The following PLIN3 variants were observed in gnomAD, a reference collection of about 807,000 sequenced individuals.
The protein encoded by PLIN3 is perilipin 3, also known as perilipin-3.
A neutral mutation model predicts 35.9 loss-of-function variants in PLIN3; 30 were observed. The ratio of observed to expected loss-of-function variants is 0.84; its 90% CI spans 0.62 to 1.13. The LOEUF (loss-of-function observed/expected upper bound fraction) is 1.13, where lower values mean the gene tolerates loss of function less well. PLIN3 is among the 50% of genes most tolerant of loss of function. PLIN3 has a pLI of 0.00. For missense variants in PLIN3, 603 were observed against 596.9 expected, an observed-to-expected ratio of 1.01 and a Z score of -0.11; for synonymous variants, 261 against 262.5, an observed-to-expected ratio of 0.99 and a Z score of 0.06.
intron 7 of PLIN3, among the ~76,000 whole-genome samples, chr19:4,841,941 G>A (rs1330287886): frequency 1.5e-5 from 2 of 132,208 alleles, no homozygotes; most frequent in African/African-American, 5.6e-5. Context: ...AAAAAAAGCT[G>A]TTAAAAAACA....
At chr19:4,863,212 T>G (rs1037023933) in intron 1 of PLIN3, among the ~76,000 whole-genome samples, 1 of 146,070 alleles carries the variant, frequency 6.8e-6, no homozygotes, top group Non-Finnish European at 1.5e-5. Flanking sequence ...GAATGAGATT[T>G]AAAGGCCGGG....
chr19:4,839,628 T>G, intron 7 of PLIN3, 92 bp from the exon 8 acceptor site: 1 of 998,006 alleles, frequency 1.0e-6, no homozygotes, highest in Admixed American at 3.1e-5. Context: ...AGAGGGGTTC[T>G]ACCACTGACC....
At position 4,841,424 on chromosome 19, in the gene PLIN3, A is replaced by C. The variant is rs372227383; in HGVS notation, c.961-1888T>G. 1.6e-4 allele frequency among the ~76,000 whole-genome samples: 24 copies of C among 152,186 alleles called. No homozygotes were observed. The East Asian group carries it at 4.5e-3, about 28-fold the overall frequency. On this transcript the variant is annotated intron_variant, in intron 7 of 7. Coordinates refer to ENST00000221957, the MANE Select transcript of PLIN3 (RefSeq NM_005817.5). Reference sequence around the variant, plus strand: ...GTCCAGGACAGGCCCATCCAGAGACAGGAGGGGATACGTGGTTGGGAGGAG... The same window carrying C: ...GTCCAGGACAGGCCCATCCAGAGACCGGAGGGGATACGTGGTTGGGAGGAG...
chr19:4,855,111 G>T (rs1021791235), intron 4 of PLIN3, among the ~76,000 whole-genome samples: 1 of 151,742 alleles, frequency 6.6e-6, no homozygotes, highest in Non-Finnish European at 1.5e-5. Flanking sequence ...TTTGCTGGGC[G>T]TAGTGATGGG....
chr19:4,861,440 C>T lies in PLIN3; in HGVS notation c.-17-29G>A, dbSNP rs755642043. 7.9e-6 allele frequency: 12 copies of T among 1,525,926 alleles called. No individual in the cohort carries two copies. In the Middle Eastern group the frequency reaches 5.1e-4, roughly 65 times the overall value. The allele number at this position is 1,525,926 out of a possible 1,614,324, so 94.5% of individuals were successfully genotyped here. On this transcript the variant is annotated intron_variant, in intron 1 of 7. Transcript: ENST00000221957. ...AGGAGAGAGGAACAGTCAGGTACAG[C>T]CTGCCTGGCCCCACCTTCCAGGAGA...
chr19:4,854,720 C>G (rs1288649064), intron 4 of PLIN3, among the ~76,000 whole-genome samples: 1 of 152,134 alleles, frequency 6.6e-6, no homozygotes, highest in African/African-American at 2.4e-5. Flanking sequence ...TCTGACAACA[C>G]CACCGTCCCC....
At chr19:4,848,414 C>A (rs908967672) in intron 5 of PLIN3, among the ~76,000 whole-genome samples, 6 of 152,326 alleles carry the variant, frequency 3.9e-5, no homozygotes, top group African/African-American at 1.4e-4. Flanking sequence ...GAATCAGAGA[C>A]CTTAGACTAG....
chr19:4,858,382 G>C (rs1165345698), intron 4 of PLIN3, among the ~76,000 whole-genome samples: 2 of 149,084 alleles, frequency 1.3e-5, no homozygotes, highest in Non-Finnish European at 3.0e-5. Flanking sequence ...TGTTTTTTTT[G>C]TTTTGTTGTT....
chr19:4,851,977 T>C (rs1210260139), intron 5 of PLIN3, 39 bp downstream of exon 5: 3 of 1,588,590 alleles, frequency 1.9e-6, no homozygotes, highest in Non-Finnish European at 2.6e-6. Flanking sequence ...TCAGGGGGCC[T>C]GGGGAGGGGT....
At chr19:4,860,487 G>A (rs1405364268) in intron 2 of PLIN3, among the ~76,000 whole-genome samples, 3 of 151,926 alleles carry the variant, frequency 2.0e-5, no homozygotes, top group South Asian at 2.1e-4. Context: ...ACAGGCGTGA[G>A]CCACCGCACT....
intron 4 of PLIN3, among the ~76,000 whole-genome samples, chr19:4,857,845 A>G (rs1000065017): frequency 6.6e-6 from 1 of 152,042 alleles, no homozygotes. Flanking sequence ...GTGTGGTGGC[A>G]CATGTCTGTA....
intron 7 of PLIN3, among the ~76,000 whole-genome samples, chr19:4,843,510 AAAATAAAT>A (rs111319930): frequency 5.0e-5 from 7 of 139,442 alleles, no homozygotes; most frequent in African/African-American, 8.1e-5. Flanking sequence ...TCCATCTCAA[AAAATAAAT>A]AAATAAATAA....
intron 4 of PLIN3, among the ~76,000 whole-genome samples, chr19:4,858,705 T>TTTTG (rs1599172472): frequency 5.1e-5 from 7 of 136,810 alleles, no homozygotes; most frequent in Non-Finnish European, 1.1e-4. Context: ...TTTTTGGTTT[T>TTTTG]TTTTTTTTTT....
chr19:4,839,292 T>C lies in PLIN3; in HGVS notation c.1205A>G (p.Asp402Gly). 1 of 1,614,042 alleles carries C rather than the reference T, an allele frequency of 6.2e-7. No homozygotes were observed. The highest frequency in any genetic ancestry group is 8.5e-7 in the Non-Finnish European group (1 of 1,180,010). The part of the protein sequence containing the change: ...ERVASAREAL[D>G]HMVEYVAQNT... Reference sequence around the variant, plus strand: ...CTGGGCCACATATTCCACCATGTGGTCCAGGGCCTCGCGGGCGCTGGCGAC... The same window carrying C: ...CTGGGCCACATATTCCACCATGTGGCCCAGGGCCTCGCGGGCGCTGGCGAC... Residue 402 changes from aspartate (D) to glycine (G), a missense_variant, in exon 8 of 8, where the codon GAC (aspartate) becomes GGC (glycine). Asp to Gly is a moderately conservative substitution (Grantham distance 94, BLOSUM62 -1). Coordinates refer to ENST00000221957, the MANE Select transcript of PLIN3 (RefSeq NM_005817.5).
chr19:4,859,235 A>G (rs1353759827), intron 4 of PLIN3, among the ~76,000 whole-genome samples: 1 of 152,130 alleles, frequency 6.6e-6, no homozygotes, highest in Non-Finnish European at 1.5e-5. Flanking sequence ...TTATAAAAAC[A>G]AGTGGGCTGG....
At chr19:4,855,066 A>G (rs997892652) in intron 4 of PLIN3, among the ~76,000 whole-genome samples, 1 of 151,700 alleles carries the variant, frequency 6.6e-6, no homozygotes, top group Non-Finnish European at 1.5e-5. Flanking sequence ...CCTGGCCAAC[A>G]TGGTGAAACC....
chr19:4,853,841 A>G (rs773653358), intron 4 of PLIN3, among the ~76,000 whole-genome samples: 2 of 151,926 alleles, frequency 1.3e-5, no homozygotes, highest in African/African-American at 4.8e-5. Flanking sequence ...AACAAACAAA[A>G]AAAAGCTTTG....
intron 4 of PLIN3, among the ~76,000 whole-genome samples, chr19:4,853,202 C>T (rs1349436714): frequency 4.0e-5 from 6 of 151,832 alleles, no homozygotes; most frequent in South Asian, 4.2e-4. Flanking sequence ...GGCACAATCT[C>T]GGCTCACTAC....
rs374815133 is a variant in PLIN3, at chr19:4,846,591, C to T, written c.834+1100G>A. 3.2e-3 allele frequency among the ~76,000 whole-genome samples: 486 copies of T among 151,994 alleles called. 7 individuals carry two copies. The South Asian group carries it at 0.033, about 10-fold the overall frequency. ...GCAAGTGCCTGTGATCCCAGCTACTCGGGACGTGGAGGCCCAAGAATCACT... is the reference window on the plus strand; with the variant it reads ...GCAAGTGCCTGTGATCCCAGCTACTTGGGACGTGGAGGCCCAAGAATCACT... On this transcript the variant is annotated intron_variant, in intron 6 of 7. Coordinates refer to ENST00000221957, the MANE Select transcript of PLIN3 (RefSeq NM_005817.5).
Sources: allele counts gnomAD v4.1 joint callset (sites outside exome capture counted in the v4.1 genomes callset), GRCh38; gene constraint gnomAD v4.1.1; transcripts MANE v1.5; gene names NCBI Gene and HGNC (gene_info 2026-07-23, HGNC 2026-07-21).